Variants in ATP8A2 observed in about 807,000 individuals in gnomAD.
ATP8A2 encodes the protein ATPase phospholipid transporting 8A2, also known as phospholipid-transporting ATPase IB.
A neutral mutation model predicts 165.6 loss-of-function variants in ATP8A2; 100 were observed. That is an observed-to-expected ratio of 0.60 (90% CI 0.51 to 0.71). ATP8A2 has a LOEUF of 0.71. Ranked by LOEUF, ATP8A2 falls within the 30% of genes least tolerant of loss-of-function variation. ATP8A2 has a pLI of 0.00. For synonymous variants in ATP8A2, 543 were observed against 548.8 expected (o/e 0.99, Z 0.15); for missense variants, 1,227 against 1,479.5 (o/e 0.83, Z 2.80).
At chr13:25,615,845 A>C (rs779808252) in intron 24 of ATP8A2, among the ~76,000 whole-genome samples, 13 of 152,158 alleles carry the variant, frequency 8.5e-5, no homozygotes, top group Non-Finnish European at 1.8e-4. Context: ...AGGGGCAGAC[A>C]GTTCCCCTTT....
At position 25,698,240 on chromosome 13, in the gene ATP8A2, T is replaced by A. The variant is rs1054149421; in HGVS notation, c.2212-933T>A. Among the ~76,000 whole-genome samples, 103 of 144,392 alleles carry A rather than the reference T, an allele frequency of 7.1e-4. 1 individual carries two copies. Among genetic ancestry groups the A allele is most frequent in the African/African-American group, 2.5e-3 (99 of 39,218 alleles). The allele number at this position is 144,392 out of a possible 152,430, so 94.7% of individuals were successfully genotyped here. A position where few individuals can be genotyped will look rare whatever the true frequency, so the allele number is the denominator to read the frequency against. On this transcript the variant is annotated intron_variant, in intron 24 of 36. Transcript: ENST00000381655. ...AGAACGTCTGTTTTTTTTTTTTTTT[T>A]AAAGAAACAGGGTCTCACTGTGTTG...
At chr13:25,978,420 A>C (rs1469626730) in intron 35 of ATP8A2, among the ~76,000 whole-genome samples, 1 of 152,198 alleles carries the variant, frequency 6.6e-6, no homozygotes, top group Non-Finnish European at 1.5e-5. Context: ...GAAAACAAAC[A>C]GGCAGGTACA....
chr13:25,968,457 C>T (rs761578024), intron 34 of ATP8A2, 118 bp from the exon 35 acceptor site: 254 of 821,018 alleles, frequency 3.1e-4, no homozygotes, highest in Non-Finnish European at 2.1e-4. Flanking sequence ...CACCACTTCC[C>T]GAGCCTCGGC....
chr13:25,841,893 C>T lies in ATP8A2; in HGVS notation c.2956+2269C>T, dbSNP rs147465264. 5.6e-3 allele frequency among the ~76,000 whole-genome samples: 847 copies of T among 152,198 alleles called. 7 individuals are homozygous for T. Among genetic ancestry groups the T allele is most frequent in the Non-Finnish European group, 8.9e-3 (603 of 68,012 alleles). The stretch of plus-strand genomic sequence containing the variant: ...GTTAGGACCTACTTGATGTGTCATC[C>T]CATGGTGGAAGGATATGGGGTAGAG... On this transcript the variant is annotated intron_variant, in intron 30 of 36. Transcript: ENST00000381655.
intron 2 of ATP8A2, among the ~76,000 whole-genome samples, chr13:25,488,964 G>A (rs1435163864): frequency 6.7e-6 from 1 of 148,884 alleles, no homozygotes; most frequent in Non-Finnish European, 1.5e-5. Flanking sequence ...CCAGGACCAG[G>A]GTACAGAGTC....
At chr13:25,617,731 T>C (rs1223031296) in intron 24 of ATP8A2, among the ~76,000 whole-genome samples, 1 of 152,180 alleles carries the variant, frequency 6.6e-6, no homozygotes, top group African/African-American at 2.4e-5. Context: ...TTTAAATTGT[T>C]TTCCATGGTA....
intron 25 of ATP8A2, among the ~76,000 whole-genome samples, chr13:25,725,176 C>T (rs1250575120): frequency 6.6e-6 from 1 of 152,218 alleles, no homozygotes; most frequent in East Asian, 1.9e-4. Flanking sequence ...GGAGAAAGCA[C>T]AGGATCAAAA....
intron 2 of ATP8A2, among the ~76,000 whole-genome samples, chr13:25,513,260 C>T (rs530811545): frequency 9.2e-5 from 14 of 151,714 alleles, no homozygotes; most frequent in Non-Finnish European, 1.5e-4. Flanking sequence ...TGGGCAGAGA[C>T]GCTCCTCACC....
At chr13:25,569,786 C>T (rs2039414265) in intron 16 of ATP8A2, among the ~76,000 whole-genome samples, 1 of 152,064 alleles carries the variant, frequency 6.6e-6, no homozygotes, top group African/African-American at 2.4e-5. Context: ...TACTTACATC[C>T]CAACAAGAAA....
chr13:25,392,638 T>A (rs1295825540), intron 1 of ATP8A2, among the ~76,000 whole-genome samples: 3 of 152,138 alleles, frequency 2.0e-5, no homozygotes, highest in Admixed American at 2.0e-4. Context: ...TATAAAAAAA[T>A]TTTGTAATCC....
intron 4 of ATP8A2, 90 bp from the exon 5 acceptor site, chr13:25,532,182 C>A (rs2038135533): frequency 9.9e-7 from 1 of 1,009,124 alleles, no homozygotes; most frequent in Non-Finnish European, 1.5e-6. Flanking sequence ...TTTCCTTGTC[C>A]CCTGTAATTT....
chr13:25,486,201 TA>T (rs759432223), intron 2 of ATP8A2, among the ~76,000 whole-genome samples: 34 of 152,324 alleles, frequency 2.2e-4, no homozygotes, highest in African/African-American at 7.9e-4. Context: ...GTATTCCAAA[TA>T]TTTTTTTTAT....
chr13:25,581,695 G>A, intron 22 of ATP8A2, 124 bp from the exon 23 acceptor site: 1 of 954,472 alleles, frequency 1.0e-6, no homozygotes, highest in Non-Finnish European at 1.7e-6. Context: ...GTAGACACAA[G>A]TATAAAATAG....
chr13:25,746,546 G>A (rs2044035141), intron 25 of ATP8A2, among the ~76,000 whole-genome samples: 2 of 152,190 alleles, frequency 1.3e-5, no homozygotes, highest in African/African-American at 2.4e-5. Context: ...AGGTTCAAAT[G>A]TTTGTGAAAG....
At chr13:25,576,356 C>G (rs2039618007) in intron 19 of ATP8A2, among the ~76,000 whole-genome samples, 1 of 152,098 alleles carries the variant, frequency 6.6e-6, no homozygotes, top group African/African-American at 2.4e-5. Context: ...AAAGGAGGAT[C>G]AGAATGTGTA....
intron 1 of ATP8A2, among the ~76,000 whole-genome samples, chr13:25,403,965 C>A (rs1180269156): frequency 1.3e-5 from 2 of 152,218 alleles, no homozygotes; most frequent in African/African-American, 2.4e-5. Context: ...TCCATGCATT[C>A]ATTCACTCAT....
rs71186891 is a variant in ATP8A2 at position 25,531,345 on chromosome 13, G to GAT, written c.420+692_420+693dup. ...TATATGATATATATATGTTATATAT[G>GAT]ATATATATGTTATATATGATATATA... On this transcript the variant is annotated intron_variant, in intron 4 of 36. Transcript: ENST00000381655. Among the ~76,000 whole-genome samples, 215 of 122,478 alleles carry GAT rather than the reference G, an allele frequency of 1.8e-3. 5 individuals are homozygous for GAT. The highest frequency in any genetic ancestry group is 3.7e-3 in the African/African-American group (109 of 29,820). The allele number at this position is 122,478 out of a possible 152,430, so 80.4% of individuals were successfully genotyped here. A position where few individuals can be genotyped will look rare whatever the true frequency, so the allele number is the denominator to read the frequency against.
intron 33 of ATP8A2, among the ~76,000 whole-genome samples, chr13:25,942,843 C>A (rs532803149): frequency 6.6e-6 from 1 of 152,328 alleles, no homozygotes; most frequent in East Asian, 1.9e-4. Context: ...TCACTGTGAG[C>A]TCTGTGCTCT....
At chr13:25,530,174 T>A in intron 3 of ATP8A2, 76 bp downstream of exon 3, 1 of 878,154 alleles carries the variant, frequency 1.1e-6, no homozygotes, top group Non-Finnish European at 1.8e-6. Flanking sequence ...GTTCCTTAAC[T>A]GCTAAAGTGT....
Sources: gnomAD v4.1 joint callset for allele counts (sites outside exome capture counted in the v4.1 genomes callset) on GRCh38, gnomAD v4.1.1 for gene constraint, MANE v1.5 for transcripts, NCBI Gene and HGNC (gene_info 2026-07-23, HGNC 2026-07-21) for gene names.